PPARGC1A: variants seen among roughly 807,000 people sequenced by gnomAD.
PPARGC1A encodes peroxisome proliferator-activated receptor gamma coactivator 1-alpha.
PPARGC1A carries 25 observed loss-of-function variants against 88.7 expected under a neutral mutation model. The ratio of observed to expected loss-of-function variants is 0.28; its 90% CI spans 0.21 to 0.39. The LOEUF (loss-of-function observed/expected upper bound fraction) is 0.39, where lower values mean the gene tolerates loss of function less well. PPARGC1A is among the 10% of genes least tolerant of loss of function. The probability of loss-of-function intolerance (pLI) is 1.00; values close to 1 mark genes in which losing one functional copy is unlikely to be tolerated. For synonymous variants in PPARGC1A, 363 were observed against 355.6 expected (o/e 1.02, Z -0.24); for missense variants, 880 against 968.7 (o/e 0.91, Z 1.22).
At chr4:23,822,056 T>C (rs1723099382) in intron 7 of PPARGC1A, among the ~76,000 whole-genome samples, 2 of 152,126 alleles carry the variant, frequency 1.3e-5, no homozygotes, top group Non-Finnish European at 2.9e-5. Flanking sequence ...GTCTTTTGAG[T>C]AGACAATTTT....
chr4:23,856,729 C>G (rs1302064092), intron 2 of PPARGC1A, among the ~76,000 whole-genome samples: 2 of 152,134 alleles, frequency 1.3e-5, no homozygotes, highest in African/African-American at 4.8e-5. Flanking sequence ...GCCCCTCCCT[C>G]ATGGAATTTA....
chr4:24,123,759 T>C, the PPARGC1A span, among the ~76,000 whole-genome samples: 1 of 152,220 alleles, frequency 6.6e-6, no homozygotes, highest in East Asian at 1.9e-4. Flanking sequence ...TGACTTCCCG[T>C]AAGAAGCTGG....
At chr4:23,924,797 G>A in the PPARGC1A span, among the ~76,000 whole-genome samples, 1 of 152,164 alleles carries the variant, frequency 6.6e-6, no homozygotes, top group Admixed American at 6.5e-5. Flanking sequence ...GTGCCAGGAT[G>A]TGATTTCCTG....
chr4:24,328,800 G>A, the PPARGC1A span, among the ~76,000 whole-genome samples: 15 of 152,224 alleles, frequency 9.9e-5, no homozygotes, highest in African/African-American at 3.4e-4. Context: ...GCAGTGGAGG[G>A]GAAGCAATGT....
chr4:24,118,605 C>G, the PPARGC1A span, among the ~76,000 whole-genome samples: 1 of 152,052 alleles, frequency 6.6e-6, no homozygotes, highest in Admixed American at 6.5e-5. Context: ...ATCTCTAGAA[C>G]CACAATGGTT....
chr4:23,935,575 G>A, the PPARGC1A span, among the ~76,000 whole-genome samples: 2 of 152,126 alleles, frequency 1.3e-5, no homozygotes, highest in African/African-American at 2.4e-5. Context: ...CTCCCCAGAG[G>A]TATGCAATAT....
chr4:23,871,566 AG>A (rs1713374045), intron 2 of PPARGC1A, among the ~76,000 whole-genome samples: 1 of 152,232 alleles, frequency 6.6e-6, no homozygotes, highest in African/African-American at 2.4e-5. Context: ...AGGAGAGAGC[AG>A]GGTGTCCCCG....
upstream of PPARGC1A, among the ~76,000 whole-genome samples, chr4:23,907,833 G>T (rs1192404566): frequency 6.6e-6 from 1 of 152,052 alleles, no homozygotes; most frequent in Non-Finnish European, 1.5e-5. Flanking sequence ...TAAGATTTCT[G>T]CATGTTTTAT....
At chr4:24,116,113 C>A in the PPARGC1A span, among the ~76,000 whole-genome samples, 1 of 152,164 alleles carries the variant, frequency 6.6e-6, no homozygotes, top group Non-Finnish European at 1.5e-5. Context: ...GCAAGTCCAC[C>A]CCCTTGCTTT....
chr4:24,026,762 AG>A, the PPARGC1A span, among the ~76,000 whole-genome samples: 1 of 152,154 alleles, frequency 6.6e-6, no homozygotes, highest in Non-Finnish European at 1.5e-5. Flanking sequence ...TCTAAGGAGC[AG>A]GGTGTATAGG....
At chr4:24,130,335 G>A in the PPARGC1A span, among the ~76,000 whole-genome samples, 669 of 152,102 alleles carry the variant, frequency 4.4e-3, 6 homozygotes, top group African/African-American at 0.014. Context: ...CAGAATATTC[G>A]GTTAGAAAGT....
the PPARGC1A span, among the ~76,000 whole-genome samples, chr4:24,389,178 C>T: frequency 6.6e-6 from 1 of 151,946 alleles, no homozygotes; most frequent in African/African-American, 2.4e-5. Context: ...TGAATATGCT[C>T]AAATAACACT....
the PPARGC1A span, among the ~76,000 whole-genome samples, chr4:24,174,054 G>A: frequency 2.6e-5 from 4 of 152,234 alleles, no homozygotes; most frequent in Non-Finnish European, 4.4e-5. Context: ...GTCAAAGAAA[G>A]GCAGCTGAGC....
the PPARGC1A span, among the ~76,000 whole-genome samples, chr4:24,125,068 T>C: frequency 6.6e-6 from 1 of 152,178 alleles, no homozygotes; most frequent in African/African-American, 2.4e-5. Context: ...ATAGAAAATA[T>C]TGGGTTAGAG....
the PPARGC1A span, among the ~76,000 whole-genome samples, chr4:24,281,011 TG>T: frequency 6.6e-6 from 1 of 152,150 alleles, no homozygotes; most frequent in African/African-American, 2.4e-5. Context: ...GCTTTATGAG[TG>T]GGCTGTCAGG....
the PPARGC1A span, among the ~76,000 whole-genome samples, chr4:24,328,837 C>T: frequency 6.6e-6 from 1 of 151,806 alleles, no homozygotes; most frequent in Non-Finnish European, 1.5e-5. Context: ...CACTGCTTGG[C>T]CATTCAGTCC....
intron 2 of PPARGC1A, among the ~76,000 whole-genome samples, chr4:23,863,693 C>T (rs1731648858): frequency 6.6e-6 from 1 of 152,104 alleles, no homozygotes; most frequent in Non-Finnish European, 1.5e-5. Flanking sequence ...TCTAAAATGC[C>T]CACGTTTCCT....
the PPARGC1A span, among the ~76,000 whole-genome samples, chr4:24,044,076 C>G: frequency 6.6e-6 from 1 of 152,140 alleles, no homozygotes; most frequent in Non-Finnish European, 1.5e-5. Flanking sequence ...CAAATTGGGT[C>G]ACTACACTAC....
At chr4:24,456,376 A>C in the PPARGC1A span, among the ~76,000 whole-genome samples, 1 of 152,190 alleles carries the variant, frequency 6.6e-6, no homozygotes, top group African/African-American at 2.4e-5. Context: ...ACCTGGAAGG[A>C]AGCCCATTGG....
Sources: gnomAD v4.1 joint callset for allele counts (sites outside exome capture counted in the v4.1 genomes callset) on GRCh38, gnomAD v4.1.1 for gene constraint, MANE v1.5 for transcripts, NCBI Gene and HGNC (gene_info 2026-07-23, HGNC 2026-07-21) for gene names.